Variants in SSBP2 observed in about 807,000 individuals in gnomAD.
SSBP2 encodes single stranded DNA binding protein 2.
Under a neutral mutation model 61.8 loss-of-function variants are expected in SSBP2, and 17 were observed. The ratio of observed to expected loss-of-function variants is 0.28; its 90% confidence interval spans 0.19 to 0.41. SSBP2 has a LOEUF of 0.41. Ranked by LOEUF, SSBP2 falls within the 10% of genes least tolerant of loss-of-function variation. SSBP2 has a pLI of 1.00. For missense variants in SSBP2, 310 were observed against 458.7 expected, an observed-to-expected ratio of 0.68 and a Z score of 2.96; for synonymous variants, 139 against 141.3, an observed-to-expected ratio of 0.98 and a Z score of 0.12.
At chr5:81,686,389 A>C (rs1752773560) in intron 1 of SSBP2, among the ~76,000 whole-genome samples, 1 of 152,222 alleles carries the variant, frequency 6.6e-6, no homozygotes, top group South Asian at 2.1e-4. Flanking sequence ...TTTTCACTTT[A>C]TAAACAAATC....
intron 3 of SSBP2, among the ~76,000 whole-genome samples, chr5:81,634,543 A>T (rs1158334115): frequency 1.3e-5 from 2 of 152,138 alleles, no homozygotes; most frequent in African/African-American, 4.8e-5. Context: ...ATCTTTTCAA[A>T]TTTTTTACAG....
intron 4 of SSBP2, among the ~76,000 whole-genome samples, chr5:81,538,466 GATCTAGCTAAGATC>G (rs1212206347): frequency 2.6e-5 from 4 of 152,182 alleles, no homozygotes; most frequent in African/African-American, 9.7e-5. Context: ...TTATCCAGAA[GATCTAGCTAAGATC>G]ACTGATTATG....
intron 1 of SSBP2, 45 bp downstream of exon 1, chr5:81,750,936 G>A: frequency 6.4e-7 from 1 of 1,555,264 alleles, no homozygotes; most frequent in Non-Finnish European, 8.7e-7. Context: ...GCGTGAGTGT[G>A]CGCGCGTGTG....
Position 81,513,732 on chromosome 5 carries a change from G to T in SSBP2, c.283-15C>A. On this transcript the variant is annotated splice_polypyrimidine_tract_variant and intron_variant, in intron 4 of 16. Coordinates refer to ENST00000320672, the MANE Select transcript of SSBP2 (RefSeq NM_012446.5). ...GCTGCAGCACTCTGCAAAGAATAAA[G>T]GAGAAACAAACCTATATCATTACAG... 6.3e-7 allele frequency: 1 copy of T among 1,582,774 alleles called. No homozygotes were observed. Among genetic ancestry groups the T allele is most frequent in the South Asian group, 1.1e-5 (1 of 89,876 alleles).
At chr5:81,678,165 G>C (rs963325095) in intron 1 of SSBP2, among the ~76,000 whole-genome samples, 1 of 152,088 alleles carries the variant, frequency 6.6e-6, no homozygotes, top group Admixed American at 6.6e-5. Flanking sequence ...GAAAAAAGTA[G>C]ACAATATGCA....
At chr5:81,707,674 A>C (rs1230481638) in intron 1 of SSBP2, among the ~76,000 whole-genome samples, 1 of 152,088 alleles carries the variant, frequency 6.6e-6, no homozygotes, top group Non-Finnish European at 1.5e-5. Flanking sequence ...AACAGGCAAT[A>C]AGAAATGACT....
intron 1 of SSBP2, among the ~76,000 whole-genome samples, chr5:81,692,518 T>C (rs78668513): frequency 0.024 from 3,668 of 152,262 alleles, 157 homozygotes; most frequent in African/African-American, 0.084. Context: ...CTAATATTTA[T>C]ATAGAACCAC....
At chr5:81,520,833 T>TG (rs1443986170) in intron 4 of SSBP2, among the ~76,000 whole-genome samples, 2 of 152,130 alleles carry the variant, frequency 1.3e-5, no homozygotes, top group African/African-American at 4.8e-5. Flanking sequence ...CCTCTACCAA[T>TG]GTTTGCCTTA....
intron 12 of SSBP2, among the ~76,000 whole-genome samples, chr5:81,444,984 A>T (rs1456936476): frequency 6.6e-6 from 1 of 150,698 alleles, no homozygotes; most frequent in African/African-American, 2.4e-5. Context: ...TTAGCCGGGC[A>T]TGGTGGCACA....
intron 1 of SSBP2, among the ~76,000 whole-genome samples, chr5:81,724,044 C>T (rs1377557695): frequency 6.6e-6 from 1 of 151,954 alleles, no homozygotes; most frequent in Non-Finnish European, 1.5e-5. Context: ...ATCAACTGCC[C>T]ATCCATAAGA....
chr5:81,595,212 C>A (rs1294749179), intron 4 of SSBP2, among the ~76,000 whole-genome samples: 1 of 152,116 alleles, frequency 6.6e-6, no homozygotes, highest in Non-Finnish European at 1.5e-5. Context: ...ACTATAAACA[C>A]CTCTATGCAA....
At chr5:81,551,784 G>A (rs992621556) in intron 4 of SSBP2, among the ~76,000 whole-genome samples, 10 of 152,070 alleles carry the variant, frequency 6.6e-5, no homozygotes, top group Middle Eastern at 3.2e-3. Flanking sequence ...ATTAAATTTA[G>A]AGACAGTTAC....
intron 4 of SSBP2, among the ~76,000 whole-genome samples, chr5:81,570,871 C>T (rs1773785110): frequency 6.6e-6 from 1 of 152,136 alleles, no homozygotes; most frequent in Non-Finnish European, 1.5e-5. Flanking sequence ...CTAATATAGG[C>T]AGTTCTTTGT....
At chr5:81,677,360 G>A (rs979183326) in intron 1 of SSBP2, among the ~76,000 whole-genome samples, 5 of 152,214 alleles carry the variant, frequency 3.3e-5, no homozygotes, top group African/African-American at 1.2e-4. Context: ...AAACTGAAGA[G>A]ACAGGCAGGT....
rs35949448 is a variant in SSBP2, at chr5:81,679,956, G to GA, written c.63-29618dup. 2.6e-3 allele frequency among the ~76,000 whole-genome samples: 358 copies of GA among 137,816 alleles called. 1 individual carries two copies. Among genetic ancestry groups the GA allele is most frequent in the Middle Eastern group, 3.7e-3 (1 of 272 alleles). The allele number at this position is 137,816 out of a possible 152,430, so 90.4% of individuals were successfully genotyped here. A position where few individuals can be genotyped will look rare whatever the true frequency, so the allele number is the denominator to read the frequency against. On this transcript the variant is annotated intron_variant, in intron 1 of 16. Transcript: ENST00000320672. ...AAGGCCTCAATAGAATAAAAAGGTGGAAAAAAAAAAAAAAAGCAAATTTTC... is the reference window on the plus strand; with the variant it reads ...AAGGCCTCAATAGAATAAAAAGGTGGAAAAAAAAAAAAAAAAGCAAATTTTC...
intron 4 of SSBP2, among the ~76,000 whole-genome samples, chr5:81,540,105 G>C (rs1308629937): frequency 6.6e-6 from 1 of 152,156 alleles, no homozygotes; most frequent in African/African-American, 2.4e-5. Context: ...GTATTCCATG[G>C]TGTATATGTG....
rs538724913 is a variant in SSBP2 at position 81,510,723 on chromosome 5, T to C, written c.372+2905A>G. On this transcript the variant is annotated intron_variant, in intron 5 of 16. Transcript: ENST00000320672. ...TTGCGGTGAGCCGAGATCACGCCAC[T>C]GCACTCAGCCTGGGCAACAACAGCG... 2.0e-5 allele frequency among the ~76,000 whole-genome samples: 3 copies of C among 151,716 alleles called. No individual in the cohort carries two copies. In the East Asian group the frequency reaches 5.8e-4, roughly 30 times the overall value.
chr5:81,750,493 C>T (rs1581479179), intron 1 of SSBP2, among the ~76,000 whole-genome samples: 1 of 145,812 alleles, frequency 6.9e-6, no homozygotes, highest in Admixed American at 6.8e-5. Context: ...CGCCCAGGCC[C>T]CCGCCGCCGC....
rs1358325474 is a variant in SSBP2 at position 81,445,240 on chromosome 5, C to A, written c.778+1628G>T. ...AGAAAAACTTTACAATAAAGTGGAT[C>A]TCCTGGGACCTCCTTTCTTGTGGGT... On this transcript the variant is annotated intron_variant, in intron 12 of 16. Coordinates refer to ENST00000320672, the MANE Select transcript of SSBP2 (RefSeq NM_012446.5). 5.1e-5 allele frequency among the ~76,000 whole-genome samples: 7 copies of A among 138,378 alleles called. No homozygotes were observed. In the East Asian group the frequency reaches 1.5e-3, roughly 31 times the overall value. 90.8% of individuals were successfully genotyped at this position (138,378 alleles called of 152,430 possible). A position where few individuals can be genotyped will look rare whatever the true frequency, so the allele number is the denominator to read the frequency against.
Sources: allele counts gnomAD v4.1 joint callset (sites outside exome capture counted in the v4.1 genomes callset), GRCh38; gene constraint gnomAD v4.1.1; transcripts MANE v1.5; gene names NCBI Gene and HGNC (gene_info 2026-07-23, HGNC 2026-07-21).